The following FGF14 variants were observed in gnomAD, a reference collection of about 807,000 sequenced individuals.
FGF14 encodes fibroblast growth factor homologous factor 4.
In FGF14, 5 loss-of-function variants were observed where a neutral mutation model predicts 25.5. That is an observed-to-expected ratio of 0.20 (90% CI 0.10 to 0.41). The LOEUF (loss-of-function observed/expected upper bound fraction) is 0.41, where lower values mean the gene tolerates loss of function less well. Among genes scored for constraint, FGF14 ranks in the 10% least tolerant of loss-of-function variants. The pLI, the probability that FGF14 is intolerant of heterozygous loss-of-function variation, is 1.00. For synonymous variants in FGF14, 138 were observed against 118.3 expected, an observed-to-expected ratio of 1.17 and a Z score of -1.08; for missense variants, 222 against 320.1, an observed-to-expected ratio of 0.69 and a Z score of 2.34.
chr13:102,284,358 G>T (rs1303264477), intron 1 of FGF14, among the ~76,000 whole-genome samples: 4 of 152,120 alleles, frequency 2.6e-5, no homozygotes, highest in Admixed American at 2.0e-4. Flanking sequence ...ATGACTTAGG[G>T]TTGCTGGGTA....
At chr13:101,845,912 A>T (rs1459065506) in intron 3 of FGF14, among the ~76,000 whole-genome samples, 2 of 151,996 alleles carry the variant, frequency 1.3e-5, no homozygotes, top group African/African-American at 4.8e-5. Context: ...ATATAACTAT[A>T]GTCATATGTA....
intron 1 of FGF14, among the ~76,000 whole-genome samples, chr13:102,004,839 C>T (rs1370751508): frequency 3.9e-5 from 6 of 152,088 alleles, no homozygotes; most frequent in South Asian, 2.1e-4. Flanking sequence ...TGGGGCTTTA[C>T]CCCCTTTGCT....
At chr13:102,257,326 C>T (rs1290509692) in intron 1 of FGF14, among the ~76,000 whole-genome samples, 1 of 113,326 alleles carries the variant, frequency 8.8e-6, no homozygotes, top group Non-Finnish European at 1.9e-5. Context: ...GCATGCATGT[C>T]CATTTCCTTT....
At chr13:102,054,480 A>G (rs1451988655) in intron 1 of FGF14, among the ~76,000 whole-genome samples, 1 of 152,190 alleles carries the variant, frequency 6.6e-6, no homozygotes, top group African/African-American at 2.4e-5. Context: ...TAGCCACAGA[A>G]TTACTGTCAG....
chr13:102,282,808 G>T (rs184953823), intron 1 of FGF14, among the ~76,000 whole-genome samples: 115 of 151,426 alleles, frequency 7.6e-4, no homozygotes, highest in African/African-American at 2.8e-3. Context: ...ATTGGCCAAG[G>T]CTGATCACAT....
intron 1 of FGF14, among the ~76,000 whole-genome samples, chr13:102,365,532 A>G (rs956559717): frequency 1.3e-5 from 2 of 152,164 alleles, no homozygotes; most frequent in African/African-American, 4.8e-5. Flanking sequence ...ATATTTCCCC[A>G]TGCTTGTTAA....
At position 101,948,784 on chromosome 13, in the gene FGF14, T is replaced by A. The variant is rs187632601; in HGVS notation, c.209-73488A>T. 4.3e-3 allele frequency among the ~76,000 whole-genome samples: 656 copies of A among 152,344 alleles called. 9 individuals carry two copies. The highest frequency in any genetic ancestry group is 0.015 in the African/African-American group (613 of 41,580). The stretch of plus-strand genomic sequence containing the variant: ...AATGTTAACATTTGCCAAAGTTTTT[T>A]AAAATAAATACAATCATCAAACGTT... On this transcript the variant is annotated intron_variant, in intron 1 of 4. Coordinates refer to the FGF14 transcript ENST00000376131.
At chr13:102,068,563 C>A (rs1262464472) in intron 1 of FGF14, among the ~76,000 whole-genome samples, 1 of 152,196 alleles carries the variant, frequency 6.6e-6, no homozygotes, top group African/African-American at 2.4e-5. Context: ...GGCCTGCACT[C>A]GGAGCAGACG....
chr13:101,945,986 G>A (rs1320864242), intron 1 of FGF14, among the ~76,000 whole-genome samples: 4 of 152,118 alleles, frequency 2.6e-5, no homozygotes, highest in African/African-American at 9.7e-5. Flanking sequence ...TCATCGTGAA[G>A]CCTTAATCAA....
chr13:102,113,728 T>A (rs1566702236), intron 1 of FGF14, among the ~76,000 whole-genome samples: 1 of 152,200 alleles, frequency 6.6e-6, no homozygotes, highest in Non-Finnish European at 1.5e-5. Flanking sequence ...GACATGACCC[T>A]TCCACCCCTT....
intron 1 of FGF14, among the ~76,000 whole-genome samples, chr13:101,913,371 A>G (rs1020480666): frequency 2.0e-5 from 3 of 152,178 alleles, no homozygotes; most frequent in African/African-American, 4.8e-5. Flanking sequence ...TGTCCTTCAC[A>G]AGAGTAAGTC....
chr13:102,177,570 A>G (rs2048498793), intron 1 of FGF14, among the ~76,000 whole-genome samples: 1 of 152,038 alleles, frequency 6.6e-6, no homozygotes, highest in Non-Finnish European at 1.5e-5. Context: ...CCTATTTCCA[A>G]TTTTGCATCT....
At chr13:102,211,757 A>G (rs1182957602) in intron 1 of FGF14, among the ~76,000 whole-genome samples, 2 of 152,222 alleles carry the variant, frequency 1.3e-5, no homozygotes, top group Non-Finnish European at 2.9e-5. Flanking sequence ...GTTCAAGATC[A>G]GCAAAGTTAC....
chr13:101,765,799 G>A (rs574827363), intron 3 of FGF14, among the ~76,000 whole-genome samples: 138 of 151,888 alleles, frequency 9.1e-4, no homozygotes, highest in African/African-American at 3.1e-3. Context: ...GTGCGATCTC[G>A]GCTCACTGCA....
At chr13:102,053,090 C>CA (rs1481104174) in intron 1 of FGF14, among the ~76,000 whole-genome samples, 1 of 151,398 alleles carries the variant, frequency 6.6e-6, no homozygotes, top group Non-Finnish European at 1.5e-5. Context: ...GGAATCTTGG[C>CA]AAAACACTAG....
intron 1 of FGF14, among the ~76,000 whole-genome samples, chr13:102,282,686 C>A (rs910467202): frequency 3.3e-4 from 50 of 152,026 alleles, no homozygotes; most frequent in Non-Finnish European, 3.2e-4. Context: ...ATATAGGAAG[C>A]CCCATTTTAA....
intron 1 of FGF14, among the ~76,000 whole-genome samples, chr13:102,363,754 C>T (rs150129216): frequency 2.5e-4 from 38 of 152,296 alleles, no homozygotes; most frequent in African/African-American, 8.7e-4. Context: ...TGTCCTGTTG[C>T]CACTCTGAAT....
chr13:101,720,564 G>GTGTGTGTGTA lies in FGF14; in HGVS notation c.*2266_*2267insTACACACACA, dbSNP rs1233100229. On this transcript the variant is annotated 3_prime_UTR_variant, in exon 5 of 5. Coordinates refer to ENST00000376143, the MANE Select transcript of FGF14 (RefSeq NM_004115.4). ...TGTGTGTGTGTGTGTGTGTGTGTGT[G>GTGTGTGTGTA]TATATGTGTGTGTTTGTGTGAAGTG... is the stretch of plus-strand genomic sequence containing the variant. 7.2e-6 allele frequency: 1 copy of GTGTGTGTGTA among 138,736 alleles called. No homozygotes were observed. Among genetic ancestry groups the GTGTGTGTGTA allele is most frequent in the African/African-American group, 2.6e-5 (1 of 38,824 alleles). The allele number at this position is 138,736 out of a possible 1,614,324, so 8.6% of individuals were successfully genotyped here. A position where few individuals can be genotyped will look rare whatever the true frequency, so the allele number is the denominator to read the frequency against.
intron 3 of FGF14, among the ~76,000 whole-genome samples, chr13:101,787,623 G>C (rs1016158519): frequency 4.6e-5 from 7 of 152,152 alleles, no homozygotes; most frequent in African/African-American, 1.7e-4. Context: ...TCTCCTCAGA[G>C]CATGTCAGCT....
Sources: allele counts gnomAD v4.1 joint callset (sites outside exome capture counted in the v4.1 genomes callset), GRCh38; gene constraint gnomAD v4.1.1; transcripts MANE v1.5; gene names NCBI Gene and HGNC (gene_info 2026-07-23, HGNC 2026-07-21).